SLC44A5: variants seen among roughly 807,000 people sequenced by gnomAD.
The protein encoded by SLC44A5 is solute carrier family 44 member 5.
In SLC44A5, 57 loss-of-function variants were observed where a neutral mutation model predicts 101.8. The ratio of observed to expected loss-of-function variants is 0.56; its 90% confidence interval spans 0.45 to 0.70. SLC44A5 has a LOEUF of 0.70. Ranked by LOEUF, SLC44A5 falls within the 30% of genes least tolerant of loss-of-function variation. The pLI is 0.00. For missense variants in SLC44A5, 737 were observed against 853.1 expected, an observed-to-expected ratio of 0.86 and a Z score of 1.70; for synonymous variants, 281 against 290.9, an observed-to-expected ratio of 0.97 and a Z score of 0.35.
intron 2 of SLC44A5, among the ~76,000 whole-genome samples, chr1:75,476,460 C>A (rs12132681): frequency 0.011 from 1,703 of 152,296 alleles, 17 homozygotes; most frequent in Middle Eastern, 0.024. Flanking sequence ...TTGCCTCACT[C>A]GGGAAGTGCA....
chr1:75,679,995 A>G, the SLC44A5 span, among the ~76,000 whole-genome samples: 9 of 152,230 alleles, frequency 5.9e-5, no homozygotes, highest in Non-Finnish European at 8.8e-5. Flanking sequence ...TTAAACCAAC[A>G]AAGATCAAAG....
chr1:75,252,747 A>G lies in SLC44A5; in HGVS notation c.261-1453T>C, dbSNP rs957356596. On this transcript the variant is annotated intron_variant, in intron 6 of 23. Transcript: ENST00000370859. ...AGAAATGAGACCCAAAGAGACCACA[A>G]GAGAATTGAAAAAAAGTCAATGAGG... is the stretch of plus-strand genomic sequence containing the variant. Among the ~76,000 whole-genome samples the G allele has an allele frequency of 3.3e-5, 5 of 152,320 alleles. No homozygotes were observed. The East Asian group carries it at 7.7e-4, about 23-fold the overall frequency.
intron 2 of SLC44A5, among the ~76,000 whole-genome samples, chr1:75,403,133 A>G (rs1343786322): frequency 6.6e-6 from 1 of 152,206 alleles, no homozygotes; most frequent in African/African-American, 2.4e-5. Context: ...CTGTAGCCAG[A>G]CTGCCTCTCT....
rs544762603 is a variant in SLC44A5 at position 75,394,908 on chromosome 1, G to T, written c.52+1675C>A. Among the ~76,000 whole-genome samples the T allele has an allele frequency of 8.0e-4, 122 of 152,182 alleles. 1 individual carries two copies. Among genetic ancestry groups the T allele is most frequent in the African/African-American group, 2.8e-3 (118 of 41,526 alleles). ...TGGGAGTGTTTCCCTCTGCTGAGAT[G>T]CACTTTTAGTGGATGCAAAACCAAC... is the stretch of plus-strand genomic sequence containing the variant. On this transcript the variant is annotated intron_variant, in intron 3 of 23. Coordinates refer to ENST00000370859, the MANE Select transcript of SLC44A5 (RefSeq NM_001130058.2).
chr1:75,269,969 T>G (rs1651332148), intron 6 of SLC44A5, among the ~76,000 whole-genome samples: 1 of 152,160 alleles, frequency 6.6e-6, no homozygotes, highest in Non-Finnish European at 1.5e-5. Flanking sequence ...TCACAAGAGC[T>G]GATGGTTTCA....
At chr1:75,691,185 G>T in the SLC44A5 span, among the ~76,000 whole-genome samples, 19 of 152,078 alleles carry the variant, frequency 1.2e-4, no homozygotes, top group African/African-American at 4.6e-4. Flanking sequence ...ACCAGCCAGG[G>T]TCAAGGTCCC....
At chr1:75,478,660 A>T (rs980289037) in intron 2 of SLC44A5, among the ~76,000 whole-genome samples, 1 of 152,178 alleles carries the variant, frequency 6.6e-6, no homozygotes, top group African/African-American at 2.4e-5. Context: ...AAAGAAGGCC[A>T]TTACATAATG....
At chr1:75,672,353 G>C in the SLC44A5 span, among the ~76,000 whole-genome samples, 1 of 152,100 alleles carries the variant, frequency 6.6e-6, no homozygotes, top group Non-Finnish European at 1.5e-5. Context: ...TGTCACAGTG[G>C]AAAGCAACAA....
At chr1:75,237,309 C>G (rs1648181336) in intron 10 of SLC44A5, among the ~76,000 whole-genome samples, 1 of 152,072 alleles carries the variant, frequency 6.6e-6, no homozygotes, top group African/African-American at 2.4e-5. Flanking sequence ...GTGAACAAAT[C>G]CTTTTCCACT....
In SLC44A5 at chr1:75,377,048, G is replaced by A. The variant is rs138483759; in HGVS notation, c.52+19535C>T. Among the ~76,000 whole-genome samples the A allele has an allele frequency of 3.7e-4, 56 of 152,316 alleles. 1 individual carries two copies. The East Asian group carries it at 8.1e-3, about 22-fold the overall frequency. ...GAAGAATGAAGAAGCCTCAGGAGTC[G>A]ATGCTATCAACTGGAAGAAAGGGTA... On this transcript the variant is annotated intron_variant, in intron 3 of 23. Transcript: ENST00000370859.
chr1:75,714,177 T>C, the SLC44A5 span, among the ~76,000 whole-genome samples: 3 of 152,058 alleles, frequency 2.0e-5, no homozygotes, highest in Non-Finnish European at 4.4e-5. Context: ...AAAAAGCTAA[T>C]CCACCAGGAT....
At chr1:75,561,512 T>C (rs1208847787) in intron 1 of SLC44A5, among the ~76,000 whole-genome samples, 1 of 152,122 alleles carries the variant, frequency 6.6e-6, no homozygotes, top group Non-Finnish European at 1.5e-5. Context: ...ACCTATAACA[T>C]TCAATACTGT....
At chr1:75,543,570 A>T (rs930318742) in intron 1 of SLC44A5, among the ~76,000 whole-genome samples, 2 of 145,516 alleles carry the variant, frequency 1.4e-5, no homozygotes, top group African/African-American at 5.0e-5. Flanking sequence ...AGGCTAGAAA[A>T]GTTCCTATAT....
intron 3 of SLC44A5, among the ~76,000 whole-genome samples, chr1:75,369,238 G>A (rs79135966): frequency 0.02 from 3,072 of 151,672 alleles, 101 homozygotes; most frequent in African/African-American, 0.071. Flanking sequence ...GGGTGGTCTC[G>A]AAATTGTGGC....
At chr1:75,523,967 G>C (rs1670281871) in intron 2 of SLC44A5, among the ~76,000 whole-genome samples, 1 of 152,204 alleles carries the variant, frequency 6.6e-6, no homozygotes, top group Admixed American at 6.5e-5. Context: ...GTTGAAATCA[G>C]ATAAATCTGT....
intron 14 of SLC44A5, among the ~76,000 whole-genome samples, 169 bp from the exon 15 acceptor site, chr1:75,220,061 G>A (rs183256942): frequency 1.7e-4 from 26 of 152,146 alleles, no homozygotes; most frequent in African/African-American, 6.3e-4. Flanking sequence ...TTTTTTAAAA[G>A]TACGTTGAGG....
At chr1:75,479,930 C>T (rs1436203271) in intron 2 of SLC44A5, among the ~76,000 whole-genome samples, 1 of 152,102 alleles carries the variant, frequency 6.6e-6, no homozygotes, top group African/African-American at 2.4e-5. Context: ...ATACCAAAGC[C>T]GGGCAGAGAC....
chr1:75,623,366 C>T, the SLC44A5 span, among the ~76,000 whole-genome samples: 2 of 151,974 alleles, frequency 1.3e-5, no homozygotes, highest in East Asian at 3.9e-4. Flanking sequence ...AAAGACTGCT[C>T]CAGGCAGGGA....
the SLC44A5 span, among the ~76,000 whole-genome samples, chr1:75,625,236 CAAAGAGCT>C: frequency 1.3e-5 from 2 of 152,074 alleles, no homozygotes; most frequent in Non-Finnish European, 1.5e-5. Flanking sequence ...ATTCTATTTC[CAAAGAGCT>C]AAATTTTCCT....
Sources: allele counts gnomAD v4.1 joint callset (sites outside exome capture counted in the v4.1 genomes callset), GRCh38; gene constraint gnomAD v4.1.1; transcripts MANE v1.5; gene names NCBI Gene and HGNC (gene_info 2026-07-23, HGNC 2026-07-21).